Variants in ITGAE observed in about 807,000 individuals in gnomAD.
ITGAE encodes integrin alpha-E.
A neutral mutation model predicts 136.5 loss-of-function variants in ITGAE; 99 were observed. The ratio of observed to expected loss-of-function variants is 0.73; its 90% CI spans 0.62 to 0.86. The LOEUF is 0.86. Among genes scored for constraint, ITGAE ranks in the 40% least tolerant of loss-of-function variants. ITGAE has a pLI of 0.00. For missense variants in ITGAE, 1,447 were observed against 1,515.3 expected (o/e 0.95, Z 0.75); for synonymous variants, 613 against 591.8 (o/e 1.04, Z -0.52).
intron 1 of ITGAE, among the ~76,000 whole-genome samples, chr17:3,786,193 G>T (rs1385430341): frequency 4.0e-5 from 6 of 150,308 alleles, no homozygotes; most frequent in African/African-American, 7.3e-5. Flanking sequence ...AAAAGTAAGA[G>T]GATGTTATAT....
At chr17:3,723,244 G>T in intron 28 of ITGAE, 44 bp downstream of exon 28, 3 of 1,269,442 alleles carry the variant, frequency 2.4e-6, no homozygotes, top group South Asian at 2.4e-5. Flanking sequence ...CGATGCCCGT[G>T]AGCAACTGGA....
At chr17:3,771,266 C>T (rs910812356) in intron 2 of ITGAE, among the ~76,000 whole-genome samples, 2 of 152,124 alleles carry the variant, frequency 1.3e-5, no homozygotes, top group Non-Finnish European at 2.9e-5. Flanking sequence ...ATTCACAGGC[C>T]TTATGTGGAG....
intron 30 of ITGAE, 34 bp downstream of exon 30, chr17:3,716,654 C>T: frequency 1.6e-6 from 2 of 1,257,956 alleles, no homozygotes; most frequent in Non-Finnish European, 1.2e-6. Context: ...AGAGCCCAGT[C>T]TTCCCTCACT....
chr17:3,716,102 G>C (rs1305607212), intron 30 of ITGAE, among the ~76,000 whole-genome samples: 1 of 151,714 alleles, frequency 6.6e-6, no homozygotes, highest in Non-Finnish European at 1.5e-5. Flanking sequence ...TGGGGGGAAG[G>C]GAAGGTTGCA....
intron 20 of ITGAE, among the ~76,000 whole-genome samples, chr17:3,736,338 T>C (rs749240250): frequency 2.2e-4 from 34 of 152,202 alleles, no homozygotes; most frequent in South Asian, 4.2e-4. Context: ...AATAAAAGGC[T>C]AATTAAATGC....
At chr17:3,717,580 G>T (rs1053273106) in intron 29 of ITGAE, 2 of 152,258 alleles carry the variant, frequency 1.3e-5, no homozygotes, top group Admixed American at 6.5e-5. Context: ...GGTGGGGCCA[G>T]AGAGCCAACA....
intron 1 of ITGAE, among the ~76,000 whole-genome samples, chr17:3,793,070 T>A (rs917034272): frequency 5.3e-5 from 8 of 151,986 alleles, no homozygotes; most frequent in African/African-American, 1.9e-4. Flanking sequence ...CTTTTTTTTT[T>A]AGACAGAGTC....
chr17:3,739,449 C>G (rs560352466), intron 20 of ITGAE, among the ~76,000 whole-genome samples: 41 of 152,252 alleles, frequency 2.7e-4, no homozygotes, highest in African/African-American at 9.4e-4. Flanking sequence ...AGAGGTGGGC[C>G]GGGAAAGAGG....
chr17:3,726,257 CCAGGAGTTCCA>C (rs1453982850), intron 26 of ITGAE: 4 of 1,614,124 alleles, frequency 2.5e-6, no homozygotes, highest in Non-Finnish European at 3.4e-6. Flanking sequence ...AGAGAAAAAT[CCAGGAGTTCCA>C]CAGGACAATG....
In ITGAE at chr17:3,724,419, C is replaced by G. The variant is rs772099444; in HGVS notation, c.3085-675G>C. On this transcript the variant is annotated intron_variant, in intron 26 of 30. Transcript: ENST00000263087. ...CGGCCAGCCCAGGGACGGCGACGAG[C>G]TGGGCATCAGTGCCTCCCTGTTCAG... 47 of 1,612,784 alleles carry G rather than the reference C, an allele frequency of 2.9e-5. No individual in the cohort carries two copies. In the African/African-American group the frequency reaches 4.4e-4, roughly 15 times the overall value.
At position 3,798,649 on chromosome 17, in the gene ITGAE, T is replaced by C. The variant is rs1331769267; in HGVS notation, c.34+2462A>G. ...AGCCCCTGGCCTCAGCCCGAGTGCG[T>C]GCCACCAGCAGAGCGGGCCCTGGAC... On this transcript the variant is annotated intron_variant, in intron 1 of 30. Transcript: ENST00000263087. The surrounding 1 kb of genome is among the most constrained non-coding windows in gnomAD (Gnocchi z 4.3). Among the ~76,000 whole-genome samples the C allele has an allele frequency of 6.6e-6, 1 of 152,152 alleles. No homozygotes were observed. Among genetic ancestry groups the C allele is most frequent in the Admixed American group, 6.5e-5 (1 of 15,286 alleles).
Position 3,753,297 on chromosome 17 carries a change from C to A in ITGAE, c.1661G>T (p.Ser554Ile). ...EEGRVYVYRL[S>I]EQDGSFSLAR... ...AGATGGAGACTCTCCCACCTGCTCG[C>A]TGAGACGGTACACGTAGACTCTGCC... Residue 554 changes from serine (S) to isoleucine (I), a missense_variant, in exon 14 of 31, where the codon AGC (serine) becomes ATC (isoleucine). This residue lies in a region of ITGAE where 1,031 missense variants were observed against 1,011.4 expected (regional missense o/e 1.02). Coordinates refer to ENST00000263087, the MANE Select transcript of ITGAE (RefSeq NM_002208.5). The A allele has an allele frequency of 6.2e-7, 1 of 1,613,894 alleles. No individual in the cohort carries two copies. Among genetic ancestry groups the A allele is most frequent in the Non-Finnish European group, 8.5e-7 (1 of 1,179,820 alleles).
Position 3,751,687 on chromosome 17 carries a change from T to C in ITGAE, c.1856A>G (p.Asn619Ser). 1 of 1,613,914 alleles carries C rather than the reference T, an allele frequency of 6.2e-7. No homozygotes were observed. The highest frequency in any genetic ancestry group is 8.5e-7 in the Non-Finnish European group (1 of 1,179,902). ...GGCGGAGAGGCCGTCCCAGTGTCCA[T>C]TGTAGATATACACACTGCCGAAGCT... is the stretch of plus-strand genomic sequence containing the variant. ...GASFGSVYIYNGHWDGLSASP... is the reference protein window; with the variant it reads ...GASFGSVYIYSGHWDGLSASP... Residue 619 changes from asparagine (N) to serine (S), a missense_variant, in exon 15 of 31, where the codon AAT (asparagine) becomes AGT (serine). Physicochemically the swap from Asn to Ser is conservative, Grantham distance 46 (BLOSUM62 1). This residue lies in a region of ITGAE where 1,031 missense variants were observed against 1,011.4 expected (regional missense o/e 1.02). Coordinates refer to ENST00000263087, the MANE Select transcript of ITGAE (RefSeq NM_002208.5).
intron 11 of ITGAE, 44 bp from the exon 12 acceptor site, chr17:3,755,305 A>C (rs1161909145): frequency 3.3e-6 from 5 of 1,496,638 alleles, no homozygotes; most frequent in Non-Finnish European, 1.8e-6. Context: ...GGAGGGACCC[A>C]AGGCCGGGCC....
chr17:3,725,873 G>A (rs1210497712), intron 26 of ITGAE: 2 of 1,590,734 alleles, frequency 1.3e-6, no homozygotes, highest in African/African-American at 2.8e-5. Context: ...TGCGCTTTGA[G>A]CACCGAGACT....
intron 17 of ITGAE, among the ~76,000 whole-genome samples, chr17:3,747,543 G>T (rs541365196): frequency 1.2e-4 from 18 of 151,778 alleles, no homozygotes; most frequent in African/African-American, 4.1e-4. Context: ...TCTCCTGACC[G>T]CGTGATCTGC....
chr17:3,731,909 C>T (rs7212015), intron 22 of ITGAE, among the ~76,000 whole-genome samples: 19,558 of 151,646 alleles, frequency 0.13, 4,220 homozygotes, highest in African/African-American at 0.45. Context: ...CCCATCTCTA[C>T]CAAAAATATT....
intron 1 of ITGAE, among the ~76,000 whole-genome samples, chr17:3,795,900 T>A (rs1350905245): frequency 6.7e-6 from 1 of 149,168 alleles, no homozygotes; most frequent in Non-Finnish European, 1.5e-5. Context: ...TGTGTGTGCA[T>A]CTGTGTATGC....
chr17:3,793,196 G>C (rs186629521), intron 1 of ITGAE, among the ~76,000 whole-genome samples: 29 of 152,062 alleles, frequency 1.9e-4, no homozygotes, highest in Admixed American at 1.6e-3. Flanking sequence ...GGGAAAACAG[G>C]TGCCCATCAC....
Sources: allele counts gnomAD v4.1 joint callset (sites outside exome capture counted in the v4.1 genomes callset), GRCh38; gene constraint gnomAD v4.1.1; regional missense constraint gnomAD v4.1.1; non-coding constraint Gnocchi (gnomAD v3.1); transcripts MANE v1.5; gene names NCBI Gene and HGNC (gene_info 2026-07-23, HGNC 2026-07-21).